WRN: variants seen among roughly 807,000 people sequenced by gnomAD.
WRN encodes the protein bifunctional 3'-5' exonuclease/ATP-dependent helicase WRN.
WRN carries 149 observed loss-of-function variants against 180.7 expected under a neutral mutation model. The observed-to-expected ratio is 0.82, with a 90% CI of 0.72 to 0.94. The LOEUF (loss-of-function observed/expected upper bound fraction) is 0.94, where lower values mean the gene tolerates loss of function less well. Ranked by LOEUF, WRN falls within the 40% of genes least tolerant of loss-of-function variation. The probability of loss-of-function intolerance (pLI) is 0.00; values close to 1 mark genes in which losing one functional copy is unlikely to be tolerated. For synonymous variants in WRN, 548 were observed against 568.9 expected, an observed-to-expected ratio of 0.96 and a Z score of 0.52; for missense variants, 1,661 against 1,700.1, an observed-to-expected ratio of 0.98 and a Z score of 0.40.
intron 31 of WRN, among the ~76,000 whole-genome samples, chr8:31,151,900 T>A (rs34431249): frequency 0.23 from 35,215 of 150,018 alleles, 4,223 homozygotes; most frequent in South Asian, 0.29. Context: ...ATTAGCCTTT[T>A]ATTTTTTTTT....
chr8:31,049,833 C>T (rs892653661), intron 1 of WRN, among the ~76,000 whole-genome samples: 1 of 151,950 alleles, frequency 6.6e-6, no homozygotes, highest in African/African-American at 2.4e-5. Context: ...GTCATCATTC[C>T]AACTCATGTG....
At chr8:31,104,383 T>C (rs1375861179) in intron 18 of WRN, among the ~76,000 whole-genome samples, 1 of 152,228 alleles carries the variant, frequency 6.6e-6, no homozygotes, top group Non-Finnish European at 1.5e-5. Flanking sequence ...GTGCTTGTTT[T>C]TTTCTGTTGA....
Position 31,130,875 on chromosome 8 carries a change from C to G in WRN, c.2826-1490C>G, listed in dbSNP as rs1052809762. On this transcript the variant is annotated intron_variant, in intron 23 of 34. Transcript: ENST00000298139. Reference sequence around the variant, plus strand: ...TTGTTTTTTGCTAAAACTATGACAGCAAAATAACATCCTGGAGTATAAAGA... The same window carrying G: ...TTGTTTTTTGCTAAAACTATGACAGGAAAATAACATCCTGGAGTATAAAGA... Among the ~76,000 whole-genome samples the G allele has an allele frequency of 2.6e-4, 39 of 152,006 alleles. 1 individual carries two copies.
chr8:31,126,679 C>T (rs1801942848), intron 23 of WRN, among the ~76,000 whole-genome samples: 1 of 152,112 alleles, frequency 6.6e-6, no homozygotes, highest in Non-Finnish European at 1.5e-5. Context: ...CACTGCTGTC[C>T]AGCCTGGGTG....
chr8:31,087,703 T>G, intron 11 of WRN, 73 bp from the exon 12 acceptor site: 1 of 1,489,464 alleles, frequency 6.7e-7, no homozygotes, highest in Non-Finnish European at 9.3e-7. Context: ...TTAATAATAG[T>G]CCTTTTGTGT....
At position 31,058,580 on chromosome 8, in the gene WRN, T is replaced by C. The variant is rs200352487; in HGVS notation, c.96+37T>C. On this transcript the variant is annotated intron_variant, in intron 2 of 34. Coordinates refer to ENST00000298139, the MANE Select transcript of WRN (RefSeq NM_000553.6). ...ATTGACTATTCTTTTGGGTGAGAAATTTAATTTATATTTGACTGTGCAAAG... is the reference window on the plus strand; with the variant it reads ...ATTGACTATTCTTTTGGGTGAGAAACTTAATTTATATTTGACTGTGCAAAG... 174 of 1,594,874 alleles carry C rather than the reference T, an allele frequency of 1.1e-4. 1 individual carries two copies. The East Asian group carries it at 3.7e-3, about 34-fold the overall frequency.
At chr8:31,150,665 C>G (rs188294814) in intron 31 of WRN, among the ~76,000 whole-genome samples, 2 of 152,132 alleles carry the variant, frequency 1.3e-5, no homozygotes, top group South Asian at 4.1e-4. Flanking sequence ...AGTAGTTGTC[C>G]AGGCTGCTGA....
intron 33 of WRN, among the ~76,000 whole-genome samples, chr8:31,164,927 T>C (rs1208417386): frequency 1.3e-5 from 2 of 152,252 alleles, no homozygotes; most frequent in South Asian, 2.1e-4. Context: ...TGCATATATA[T>C]AAAACGCAGG....
chr8:31,085,277 A>T (rs186712613), intron 11 of WRN, 31 bp downstream of exon 11: 1 of 1,610,796 alleles, frequency 6.2e-7, no homozygotes, highest in East Asian at 2.2e-5. Context: ...ACATTACTTC[A>T]AGTTCTTTCC....
chr8:31,169,574 G>T (rs1436902431), intron 34 of WRN, among the ~76,000 whole-genome samples: 1 of 152,132 alleles, frequency 6.6e-6, no homozygotes, highest in African/African-American at 2.4e-5. Context: ...TGGTGTCAAA[G>T]ATTTGACCTT....
intron 24 of WRN, among the ~76,000 whole-genome samples, chr8:31,135,565 T>C (rs1196802913): frequency 1.3e-5 from 2 of 152,220 alleles, no homozygotes; most frequent in African/African-American, 2.4e-5. Context: ...ATAAATGCTG[T>C]TGAAGTTCTG....
chr8:31,167,336 T>C (rs1803940187), intron 34 of WRN, 106 bp downstream of exon 34: 3 of 915,820 alleles, frequency 3.3e-6, no homozygotes, highest in Non-Finnish European at 5.0e-6. Context: ...TCTGATATGA[T>C]TACTTTCTCT....
At chr8:31,097,181 A>G (rs1276051204) in intron 17 of WRN, among the ~76,000 whole-genome samples, 1 of 152,210 alleles carries the variant, frequency 6.6e-6, no homozygotes, top group Non-Finnish European at 1.5e-5. Flanking sequence ...GCACTTAAAC[A>G]TATTGTTGAA....
chr8:31,066,006 G>A (rs182341951), intron 5 of WRN, among the ~76,000 whole-genome samples: 33 of 151,526 alleles, frequency 2.2e-4, no homozygotes, highest in Admixed American at 3.3e-4. Flanking sequence ...AGGCTCCTGA[G>A]TAGCTGGGGT....
intron 33 of WRN, among the ~76,000 whole-genome samples, chr8:31,160,274 C>A (rs10282891): frequency 6.6e-6 from 1 of 152,126 alleles, no homozygotes; most frequent in Non-Finnish European, 1.5e-5. Flanking sequence ...GTGATACTTA[C>A]GAATTAACGA....
rs1474705642 is a variant in WRN at position 31,120,284 on chromosome 8, A to C, written c.2490A>C (p.Lys830Asn). 6.2e-7 allele frequency: 1 copy of C among 1,613,032 alleles called. No individual in the cohort carries two copies. The highest frequency in any genetic ancestry group is 1.7e-5 in the Admixed American group (1 of 59,942). ...TAGCTTTTGGAATGGGCATTAATAA[A>C]GCTGACATTCGCCAAGTCATTCATT... is the stretch of plus-strand genomic sequence containing the variant. ...ATIAFGMGIN[K>N]ADIRQVIHYG... The change falls in exon 21 of 35, where the codon AAA becomes AAC. Residue 830 changes from lysine to asparagine, a missense_variant. Physicochemically the swap from Lys to Asn is moderately conservative, Grantham distance 94. Transcript: ENST00000298139.
chr8:31,084,863 T>C (rs397757728), intron 10 of WRN, among the ~76,000 whole-genome samples: 45 of 152,328 alleles, frequency 3.0e-4, no homozygotes, highest in Middle Eastern at 3.4e-3. Context: ...CACAGTTTGA[T>C]ATTGTTTAAC....
At chr8:31,118,426 A>G (rs1801597670) in intron 20 of WRN, among the ~76,000 whole-genome samples, 1 of 152,062 alleles carries the variant, frequency 6.6e-6, no homozygotes, top group African/African-American at 2.4e-5. Context: ...AAAGCTTCAT[A>G]TTTGCATTGA....
rs1388796725 is a variant in WRN, at chr8:31,088,261, T to A, written c.1576+341T>A. On this transcript the variant is annotated intron_variant, in intron 12 of 34. Transcript: ENST00000298139. The stretch of plus-strand genomic sequence containing the variant: ...TGGTTAATTATCTTGATTCTTTGTT[T>A]TGCCCTTTCTTGGCCACTCAGGAAT... 2.0e-5 allele frequency among the ~76,000 whole-genome samples: 3 copies of A among 152,148 alleles called. No homozygotes were observed. In the East Asian group the frequency reaches 5.8e-4, roughly 29 times the overall value.
Sources: gnomAD v4.1 joint callset for allele counts (sites outside exome capture counted in the v4.1 genomes callset) on GRCh38, gnomAD v4.1.1 for gene constraint, MANE v1.5 for transcripts, NCBI Gene and HGNC (gene_info 2026-07-23, HGNC 2026-07-21) for gene names.